Variants in SEC31A observed in about 807,000 individuals in gnomAD.
SEC31A encodes SEC31 homolog A, COPII component.
A neutral mutation model predicts 151.0 loss-of-function variants in SEC31A; 70 were observed. The observed-to-expected ratio is 0.46, with a 90% confidence interval of 0.38 to 0.57. The LOEUF (loss-of-function observed/expected upper bound fraction) is 0.57, where lower values mean the gene tolerates loss of function less well. Among genes scored for constraint, SEC31A ranks in the 20% least tolerant of loss-of-function variants. The pLI is 0.00. For missense variants in SEC31A, 1,330 were observed against 1,471.2 expected (o/e 0.90, Z 1.57); for synonymous variants, 475 against 505.9 (o/e 0.94, Z 0.82).
chr4:82,887,109 A>G (rs1322622474), intron 1 of SEC31A, among the ~76,000 whole-genome samples: 2 of 152,200 alleles, frequency 1.3e-5, no homozygotes, highest in Non-Finnish European at 2.9e-5. Flanking sequence ...AAAAAGGAGA[A>G]AGTATGGTTA....
intron 22 of SEC31A, among the ~76,000 whole-genome samples, chr4:82,841,465 T>TATATATATATATATATATATATAC (rs200595591): frequency 9.7e-6 from 1 of 103,202 alleles, no homozygotes; most frequent in Non-Finnish European, 2.0e-5. Flanking sequence ...TATATATATA[T>TATATATATATATATATATATATAC]ATACACACAC....
Position 82,874,689 on chromosome 4 carries a change from G to T in SEC31A, c.561C>A (p.Ala187=). Residue 187 remains alanine, a synonymous_variant, in exon 6 of 27, where the codon GCC becomes GCA. Transcript: ENST00000395310. ...ATACAGTGGCCCGGCCACTGGGACTGGCTGATGCTAAAATATGCTGAACTT... is the reference window on the plus strand; with the variant it reads ...ATACAGTGGCCCGGCCACTGGGACTTGCTGATGCTAAAATATGCTGAACTT... ...NRQVQHILAS[A]SPSGRATVWD... 1 of 1,613,346 alleles carries T rather than the reference G, an allele frequency of 6.2e-7. No individual in the cohort carries two copies. Among genetic ancestry groups the T allele is most frequent in the African/African-American group, 1.3e-5 (1 of 75,008 alleles).
At chr4:82,866,484 C>CA (rs1735429882) in intron 10 of SEC31A, among the ~76,000 whole-genome samples, 1 of 151,228 alleles carries the variant, frequency 6.6e-6, no homozygotes, top group African/African-American at 2.4e-5. Context: ...AACAAACAAA[C>CA]AAACAAAAAA....
At position 82,819,206 on chromosome 4, in the gene SEC31A, A is replaced by C; in HGVS notation, c.3531T>G (p.Ile1177Met). 1 of 1,610,724 alleles carries C rather than the reference A, an allele frequency of 6.2e-7. No homozygotes were observed. Among genetic ancestry groups the C allele is most frequent in the South Asian group, 1.1e-5 (1 of 90,098 alleles). Residue 1177 changes from isoleucine (I) to methionine (M), a missense_variant, in exon 27 of 27, where the codon ATT (isoleucine) becomes ATG (methionine). Physicochemically the swap from Ile to Met is conservative, Grantham distance 10 (BLOSUM62 1). Coordinates refer to ENST00000395310, the MANE Select transcript of SEC31A (RefSeq NM_001077207.4). ...ATCCTTCTGAGTAGTTTCGAGTTTC[A>C]ATGCTCCTTGCAATGTTGTGTAAAC... Reference protein sequence around the residue: ...TSGLHNIARSIETRNYSEGLT... With the variant: ...TSGLHNIARSMETRNYSEGLT...
At chr4:82,837,523 A>G (rs1488177628) in intron 22 of SEC31A, among the ~76,000 whole-genome samples, 1 of 152,082 alleles carries the variant, frequency 6.6e-6, no homozygotes, top group Non-Finnish European at 1.5e-5. Context: ...AGCTGGGAAT[A>G]TAGGCATGTG....
intron 26 of SEC31A, 67 bp from the exon 27 acceptor site, chr4:82,819,320 A>C: frequency 8.7e-7 from 1 of 1,155,676 alleles, no homozygotes; most frequent in Non-Finnish European, 1.2e-6. Context: ...ATCCTCCATA[A>C]ACATTAAACC....
rs116210207 is a variant in SEC31A, at chr4:82,860,898, C to T, written c.1626+733G>A. Among the ~76,000 whole-genome samples the T allele has an allele frequency of 7.1e-3, 1,083 of 152,096 alleles. 16 individuals are homozygous for T. The highest frequency in any genetic ancestry group is 0.025 in the African/African-American group (1,030 of 41,516). ...ATCATCTTGTAATAGACTAAATTTACTTATTTTTATAACTTAGTAAAAAAT... is the reference window on the plus strand; with the variant it reads ...ATCATCTTGTAATAGACTAAATTTATTTATTTTTATAACTTAGTAAAAAAT... On this transcript the variant is annotated intron_variant, in intron 14 of 26. Coordinates refer to ENST00000395310, the MANE Select transcript of SEC31A (RefSeq NM_001077207.4).
upstream of SEC31A, chr4:82,893,375 C>T (rs1304083012): frequency 6.6e-6 from 1 of 152,212 alleles, no homozygotes; most frequent in Non-Finnish European, 1.5e-5. Flanking sequence ...ATTTGACATT[C>T]TTTTGGGAAT....
chr4:82,845,836 T>C (rs1290612995), intron 20 of SEC31A, among the ~76,000 whole-genome samples: 1 of 152,030 alleles, frequency 6.6e-6, no homozygotes, highest in African/African-American at 2.4e-5. Context: ...ATATTAAAGA[T>C]CTTCCAGTCT....
chr4:82,858,708 A>AATTTT, intron 14 of SEC31A, among the ~76,000 whole-genome samples: 1 of 150,444 alleles, frequency 6.6e-6, no homozygotes, highest in Admixed American at 6.7e-5. Flanking sequence ...TTATTTATTT[A>AATTTT]ATTTTATTTT....
At chr4:82,845,513 G>GGA (rs1249381443) in intron 20 of SEC31A, among the ~76,000 whole-genome samples, 1 of 151,938 alleles carries the variant, frequency 6.6e-6, no homozygotes, top group Non-Finnish European at 1.5e-5. Flanking sequence ...AATGAAACAG[G>GGA]GAGAGGAAGG....
chr4:82,870,230 T>G, intron 8 of SEC31A, 95 bp downstream of exon 8: 1 of 864,044 alleles, frequency 1.2e-6, no homozygotes, highest in Admixed American at 2.0e-5. Context: ...CTTCACATAG[T>G]AATCCACTAA....
At chr4:82,845,100 G>C (rs1729764840) in intron 20 of SEC31A, 6 of 736,612 alleles carry the variant, frequency 8.1e-6, no homozygotes, top group East Asian at 3.0e-5. Flanking sequence ...AGATGGATGG[G>C]GAGTGGGGGT....
At chr4:82,868,493 C>A (rs1051011442) in intron 8 of SEC31A, among the ~76,000 whole-genome samples, 1 of 148,470 alleles carries the variant, frequency 6.7e-6, no homozygotes, top group Non-Finnish European at 1.5e-5. Context: ...ACAGCAAGAC[C>A]CTGACAAAAA....
chr4:82,894,877 G>A (rs1020434237), upstream of SEC31A: 2 of 152,148 alleles, frequency 1.3e-5, no homozygotes, highest in Non-Finnish European at 2.9e-5. Flanking sequence ...CAAGTTAGTA[G>A]GAGTTTATTT....
chr4:82,893,005 AG>A (rs1719907720), upstream of SEC31A: 1 of 152,258 alleles, frequency 6.6e-6, no homozygotes, highest in Non-Finnish European at 1.5e-5. Context: ...ATTGCTCACT[AG>A]AAGAATGTTT....
intron 18 of SEC31A, among the ~76,000 whole-genome samples, chr4:82,852,172 G>A (rs1173285527): frequency 6.6e-6 from 1 of 152,120 alleles, no homozygotes; most frequent in East Asian, 1.9e-4. Flanking sequence ...CATGTAAGAC[G>A]TGCCTTTGCT....
At chr4:82,859,794 T>A (rs199831791) in intron 14 of SEC31A, among the ~76,000 whole-genome samples, 66,384 of 141,862 alleles carry the variant, frequency 0.47, 16,889 homozygotes, top group Admixed American at 0.6. Context: ...TAAAAATATT[T>A]TTTTTTTTTT....
chr4:82,827,864 G>A (rs1724964369), intron 23 of SEC31A, among the ~76,000 whole-genome samples: 1 of 151,108 alleles, frequency 6.6e-6, no homozygotes, highest in Non-Finnish European at 1.5e-5. Flanking sequence ...GGACTTCTTT[G>A]TCTCCCTTTA....
Sources: gnomAD v4.1 joint callset for allele counts (sites outside exome capture counted in the v4.1 genomes callset) on GRCh38, gnomAD v4.1.1 for gene constraint, MANE v1.5 for transcripts, NCBI Gene and HGNC (gene_info 2026-07-23, HGNC 2026-07-21) for gene names.